Variants in TOX observed in about 807,000 individuals in gnomAD.
TOX encodes the protein thymocyte selection associated high mobility group box.
TOX carries 11 observed loss-of-function variants against 53.7 expected under a neutral mutation model. That is an observed-to-expected ratio of 0.20 (90% CI 0.13 to 0.34). The LOEUF is 0.34. TOX is among the 10% of genes least tolerant of loss of function. The pLI, the probability that TOX is intolerant of heterozygous loss-of-function variation, is 1.00. For missense variants in TOX, 570 were observed against 664.6 expected (o/e 0.86, Z 1.56); for synonymous variants, 225 against 245.3 (o/e 0.92, Z 0.77).
chr8:58,968,798 A>G (rs1052310031), intron 1 of TOX, among the ~76,000 whole-genome samples: 2 of 152,206 alleles, frequency 1.3e-5, no homozygotes, highest in Non-Finnish European at 2.9e-5. Context: ...ACAAAACAAA[A>G]CAAAAAATAA....
intron 1 of TOX, among the ~76,000 whole-genome samples, chr8:59,003,765 T>C (rs1300984671): frequency 6.6e-6 from 1 of 152,248 alleles, no homozygotes; most frequent in Non-Finnish European, 1.5e-5. Flanking sequence ...TGTATTTTCC[T>C]TTGCTCAATC....
chr8:58,925,744 A>G (rs776312904), intron 3 of TOX, among the ~76,000 whole-genome samples: 16 of 152,150 alleles, frequency 1.1e-4, no homozygotes, highest in Non-Finnish European at 1.9e-4. Context: ...CATTATACCA[A>G]TAAAAAATAC....
intron 1 of TOX, among the ~76,000 whole-genome samples, chr8:59,109,344 C>T (rs1055593995): frequency 6.6e-6 from 1 of 152,052 alleles, no homozygotes; most frequent in Non-Finnish European, 1.5e-5. Flanking sequence ...TCTTCTACGA[C>T]CTAGCTTAGG....
At chr8:58,879,000 G>C (rs776164985) in intron 3 of TOX, among the ~76,000 whole-genome samples, 3 of 150,132 alleles carry the variant, frequency 2.0e-5, no homozygotes, top group Non-Finnish European at 4.4e-5. Flanking sequence ...GGCAGAGGTT[G>C]CAGTGAGCCG....
At chr8:58,902,488 T>C (rs1016866083) in intron 3 of TOX, among the ~76,000 whole-genome samples, 3 of 152,150 alleles carry the variant, frequency 2.0e-5, no homozygotes, top group Admixed American at 6.5e-5. Flanking sequence ...AGCACCTCAT[T>C]TGAGACTCAA....
chr8:59,085,178 A>G (rs1319414121), intron 1 of TOX, among the ~76,000 whole-genome samples: 4 of 152,232 alleles, frequency 2.6e-5, no homozygotes, highest in Non-Finnish European at 5.9e-5. Context: ...AATGAAAGCA[A>G]TCCCTTTCAC....
chr8:58,902,815 T>C (rs1811752920), intron 3 of TOX, among the ~76,000 whole-genome samples: 2 of 152,202 alleles, frequency 1.3e-5, no homozygotes, highest in African/African-American at 4.8e-5. Context: ...TGAATATCCT[T>C]TGTGAGCGTT....
At chr8:58,949,686 C>T (rs546722216) in intron 2 of TOX, among the ~76,000 whole-genome samples, 1 of 152,054 alleles carries the variant, frequency 6.6e-6, no homozygotes, top group Non-Finnish European at 1.5e-5. Flanking sequence ...CATGTGCAGC[C>T]TTTAAGTTTT....
intron 3 of TOX, among the ~76,000 whole-genome samples, chr8:58,915,400 C>A (rs1811996546): frequency 1.1e-5 from 1 of 91,332 alleles, no homozygotes; most frequent in East Asian, 3.0e-4. Flanking sequence ...GACCCCTGAC[C>A]CCCGAGCAGC....
chr8:58,872,706 T>G (rs532811685), intron 3 of TOX, among the ~76,000 whole-genome samples: 1 of 152,132 alleles, frequency 6.6e-6, no homozygotes, highest in East Asian at 1.9e-4. Flanking sequence ...TCAAAATTGC[T>G]GAGGTCATCA....
chr8:58,923,169 G>T (rs1585902842), intron 3 of TOX, among the ~76,000 whole-genome samples: 1 of 152,082 alleles, frequency 6.6e-6, no homozygotes, highest in African/African-American at 2.4e-5. Context: ...TGCTAAAAAG[G>T]TCACACTGAC....
chr8:58,814,486 T>C (rs1810139085), intron 7 of TOX: 1 of 152,206 alleles, frequency 6.6e-6, no homozygotes, highest in Non-Finnish European at 1.5e-5. Flanking sequence ...TGGGAGAAGC[T>C]TTCAACTGGC....
In TOX at chr8:58,939,392, T is replaced by A. The variant is rs1277105381; in HGVS notation, c.321A>T (p.Pro107=). The A allele has an allele frequency of 1.2e-6, 2 of 1,614,034 alleles. No individual in the cohort carries two copies. Among genetic ancestry groups the A allele is most frequent in the Non-Finnish European group, 1.7e-6 (2 of 1,180,006 alleles). ...CHPMNHNGLL[P]FHPQNMDLPE... is the part of the protein sequence containing the mutation. ...GGAGGTCCATGTTTTGTGGATGAAA[T>A]GGTAGCAGGCCATTATGGTTCATGG... Residue 107 remains proline, a synonymous_variant, in exon 3 of 9, where the codon CCA becomes CCT. Transcript: ENST00000361421.
chr8:58,878,607 G>A (rs1272619204), intron 3 of TOX, among the ~76,000 whole-genome samples: 3 of 152,156 alleles, frequency 2.0e-5, no homozygotes, highest in African/African-American at 7.2e-5. Flanking sequence ...AGCTTCATTT[G>A]TCTTTGATAA....
At chr8:58,868,969 C>G (rs1180977830) in intron 3 of TOX, among the ~76,000 whole-genome samples, 1 of 151,516 alleles carries the variant, frequency 6.6e-6, no homozygotes, top group Non-Finnish European at 1.5e-5. Context: ...ACACAAATTA[C>G]CAATATCAGA....
intron 1 of TOX, among the ~76,000 whole-genome samples, chr8:59,021,920 T>A (rs1178932116): frequency 6.6e-6 from 1 of 152,112 alleles, no homozygotes; most frequent in Non-Finnish European, 1.5e-5. Context: ...AGGAGAAAAA[T>A]CACCCAAATC....
chr8:59,050,627 C>T (rs1054150046), intron 1 of TOX, among the ~76,000 whole-genome samples: 10 of 152,016 alleles, frequency 6.6e-5, no homozygotes, highest in Admixed American at 3.9e-4. Context: ...TCACTTCATC[C>T]TAATTCCTTG....
chr8:59,106,118 A>G (rs1804895335), intron 1 of TOX, among the ~76,000 whole-genome samples: 1 of 152,196 alleles, frequency 6.6e-6, no homozygotes, highest in Non-Finnish European at 1.5e-5. Flanking sequence ...TAAGCATTAT[A>G]TTCTTGCTAT....
At chr8:59,091,581 T>G (rs1586013927) in intron 1 of TOX, among the ~76,000 whole-genome samples, 2 of 152,272 alleles carry the variant, frequency 1.3e-5, no homozygotes, top group South Asian at 2.1e-4. Flanking sequence ...AACTGTTACC[T>G]CATCTGTAAA....
Sources: allele counts gnomAD v4.1 joint callset (sites outside exome capture counted in the v4.1 genomes callset), GRCh38; gene constraint gnomAD v4.1.1; transcripts MANE v1.5; gene names NCBI Gene and HGNC (gene_info 2026-07-23, HGNC 2026-07-21).